The following NDUFA9 variants were observed in gnomAD, a reference collection of about 807,000 sequenced individuals.
NDUFA9 encodes NADH:ubiquinone oxidoreductase subunit A9, also known as NADH dehydrogenase [ubiquinone] 1 alpha subcomplex subunit 9, mitochondrial.
Under a neutral mutation model 45.9 loss-of-function variants are expected in NDUFA9, and 23 were observed. The observed-to-expected ratio is 0.50, with a 90% CI of 0.36 to 0.71. The LOEUF (loss-of-function observed/expected upper bound fraction) is 0.71. NDUFA9 is among the 30% of genes least tolerant of loss of function. NDUFA9 has a pLI of 0.00. For synonymous variants in NDUFA9, 176 were observed against 170.5 expected, an observed-to-expected ratio of 1.03 and a Z score of -0.25; for missense variants, 466 against 488.2, an observed-to-expected ratio of 0.95 and a Z score of 0.43.
rs985205148 is a variant in NDUFA9 at position 4,674,856 on chromosome 12, A to G, written c.800+5039A>G. Among the ~76,000 whole-genome samples the G allele has an allele frequency of 3.3e-5, 5 of 152,354 alleles. 1 individual carries two copies. The South Asian group carries it at 8.3e-4, about 25-fold the overall frequency. Reference sequence around the variant, plus strand: ...CTACAGAACTCTCCACCCCAAATCAACAGAATATAATTTCTTCTCAGCACC... The same window carrying G: ...CTACAGAACTCTCCACCCCAAATCAGCAGAATATAATTTCTTCTCAGCACC... On this transcript the variant is annotated intron_variant, in intron 8 of 10. Coordinates refer to ENST00000266544, the MANE Select transcript of NDUFA9 (RefSeq NM_005002.5).
intron 5 of NDUFA9, among the ~76,000 whole-genome samples, chr12:4,661,235 A>T (rs1296455312): frequency 6.6e-6 from 1 of 152,126 alleles, no homozygotes; most frequent in Non-Finnish European, 1.5e-5. Flanking sequence ...TGAGAACTTG[A>T]GGTGGTTTTT....
intron 4 of NDUFA9, among the ~76,000 whole-genome samples, chr12:4,658,145 C>T (rs189804664): frequency 6.6e-6 from 1 of 152,222 alleles, no homozygotes; most frequent in Non-Finnish European, 1.5e-5. Flanking sequence ...AGGATTTTGC[C>T]TGTTCTGCTG....
chr12:4,649,283 C>T, intron 1 of NDUFA9, 108 bp downstream of exon 1: 1 of 1,286,408 alleles, frequency 7.8e-7, no homozygotes, highest in South Asian at 1.3e-5. Context: ...CCTAGGCACA[C>T]TCTGGTTTCT....
intron 8 of NDUFA9, among the ~76,000 whole-genome samples, chr12:4,670,876 A>G (rs1268295015): frequency 6.6e-6 from 1 of 152,262 alleles, no homozygotes; most frequent in Non-Finnish European, 1.5e-5. Flanking sequence ...ATTTCAGGGA[A>G]TAAATGAGCG....
rs1397862218 is a variant in NDUFA9 at position 4,694,231 on chromosome 12, TTTCAG to T, written c.*7125_*7129del. 2 of 152,244 alleles carry T rather than the reference TTTCAG, an allele frequency of 1.3e-5. No individual in the cohort carries two copies. Among genetic ancestry groups the T allele is most frequent in the Admixed American group, 1.3e-4 (2 of 15,284 alleles). 9.4% of individuals were successfully genotyped at this position (152,244 alleles called of 1,614,324 possible). On this transcript the variant is annotated 3_prime_UTR_variant, in exon 11 of 11. Transcript: ENST00000266544. ...AGTTTTGCTTCTATTAGCACATTTA[TTTCAG>T]TAATTTTGATCTTTGGATTCTCCTT...
In NDUFA9 at chr12:4,683,096, C is replaced by G. The variant is rs143052547; in HGVS notation, c.896+796C>G. 4.3e-3 allele frequency among the ~76,000 whole-genome samples: 646 copies of G among 151,040 alleles called. 7 individuals are homozygous for G. Among genetic ancestry groups the G allele is most frequent in the African/African-American group, 0.015 (601 of 41,108 alleles). The stretch of plus-strand genomic sequence containing the variant: ...TGGTGCACACCTATAGTCCCAGCTA[C>G]TTGGGAGGCTGAGGTGGGAGGATCA... On this transcript the variant is annotated intron_variant, in intron 9 of 10. Transcript: ENST00000266544.
Position 4,691,375 on chromosome 12 carries a change from C to T in NDUFA9, c.*4267C>T, listed in dbSNP as rs138672136. On this transcript the variant is annotated 3_prime_UTR_variant, in exon 11 of 11. Transcript: ENST00000266544. ...CTGAGAAGGAGGGATTCCTATTTCC[C>T]AAATGCTGGAAACAGGGACTTATAG... 1 of 152,326 alleles carries T rather than the reference C, an allele frequency of 6.6e-6. No individual in the cohort carries two copies. Among genetic ancestry groups the T allele is most frequent in the East Asian group, 1.9e-4 (1 of 5,188 alleles). 9.4% of individuals were successfully genotyped at this position (152,326 alleles called of 1,614,324 possible). A position where few individuals can be genotyped will look rare whatever the true frequency, so the allele number is the denominator to read the frequency against.
intron 9 of NDUFA9, 109 bp downstream of exon 9, chr12:4,682,409 T>A: frequency 1.6e-6 from 1 of 615,330 alleles, no homozygotes; most frequent in Non-Finnish European, 2.8e-6. Flanking sequence ...GGTCTCCAGA[T>A]CTCCTAGTGT....
chr12:4,659,512 G>A lies in NDUFA9; in HGVS notation c.552+335G>A, dbSNP rs567207974. On this transcript the variant is annotated intron_variant, in intron 5 of 10. Coordinates refer to ENST00000266544, the MANE Select transcript of NDUFA9 (RefSeq NM_005002.5). ...GAATCATACCTGTGTCATCTACCAT[G>A]GTTAAAGGACCATCTTTCTTTCTCA... Among the ~76,000 whole-genome samples, 349 of 152,258 alleles carry A rather than the reference G, an allele frequency of 2.3e-3. 3 individuals carry two copies. The highest frequency in any genetic ancestry group is 3.8e-3 in the Non-Finnish European group (258 of 68,010).
chr12:4,672,356 G>T (rs1351607056), intron 8 of NDUFA9, among the ~76,000 whole-genome samples: 1 of 152,150 alleles, frequency 6.6e-6, no homozygotes. Flanking sequence ...CCATATCCCA[G>T]TGGCACCTGG....
intron 8 of NDUFA9, among the ~76,000 whole-genome samples, chr12:4,671,307 A>G (rs896059418): frequency 1.3e-5 from 2 of 152,234 alleles, no homozygotes; most frequent in Non-Finnish European, 2.9e-5. Flanking sequence ...CAGCAAAATC[A>G]CGATGTATAA....
At chr12:4,685,923 A>G (rs1565573479) in intron 10 of NDUFA9, among the ~76,000 whole-genome samples, 1 of 152,224 alleles carries the variant, frequency 6.6e-6, no homozygotes, top group African/African-American at 2.4e-5. Flanking sequence ...AGACCTATGG[A>G]CCATATATTG....
Position 4,662,529 on chromosome 12 carries a change from T to C in NDUFA9, c.553-4T>C, listed in dbSNP as rs756343672. 1 of 1,612,574 alleles carries C rather than the reference T, an allele frequency of 6.2e-7. No individual in the cohort carries two copies. Among genetic ancestry groups the C allele is most frequent in the East Asian group, 2.2e-5 (1 of 44,854 alleles). ...CAAAACAGGTTTGTTTGGTTATTGT[T>C]TAGGCTGTTGGAGAGAAAGTAGTGA... On this transcript the variant is annotated splice_region_variant and splice_polypyrimidine_tract_variant and intron_variant, in intron 5 of 10. Coordinates refer to ENST00000266544, the MANE Select transcript of NDUFA9 (RefSeq NM_005002.5).
rs1392673936 is a variant in NDUFA9, at chr12:4,694,030, T to C, written c.*6922T>C. On this transcript the variant is annotated 3_prime_UTR_variant, in exon 11 of 11. Coordinates refer to ENST00000266544, the MANE Select transcript of NDUFA9 (RefSeq NM_005002.5). ...TGTACTTCAGTGGAAAACTATGCAT[T>C]GTCTGGAATCTAGACTCTGGACAAA... The C allele has an allele frequency of 2.6e-5, 4 of 152,174 alleles. No individual in the cohort carries two copies. Among genetic ancestry groups the C allele is most frequent in the East Asian group, 3.8e-4 (2 of 5,200 alleles). The allele number at this position is 152,174 out of a possible 1,614,324, so 9.4% of individuals were successfully genotyped here. A position where few individuals can be genotyped will look rare whatever the true frequency, so the allele number is the denominator to read the frequency against.
At chr12:4,684,041 G>A (rs561454043) in intron 9 of NDUFA9, among the ~76,000 whole-genome samples, 1 of 152,308 alleles carries the variant, frequency 6.6e-6, no homozygotes, top group Admixed American at 6.5e-5. Flanking sequence ...GTTAGAGTTG[G>A]CTTATGTATG....
intron 8 of NDUFA9, among the ~76,000 whole-genome samples, chr12:4,672,642 A>C: frequency 6.6e-6 from 1 of 152,240 alleles, no homozygotes; most frequent in East Asian, 1.9e-4. Context: ...AGCCCACTGC[A>C]GCTCAGGAAG....
Position 4,682,286 on chromosome 12 carries a change from G to T in NDUFA9, c.882G>T (p.Pro294=), listed in dbSNP as rs201787513. The change falls in exon 9 of 11, where the codon CCG becomes CCT. Residue 294 remains proline, a synonymous_variant. Coordinates refer to ENST00000266544, the MANE Select transcript of NDUFA9 (RefSeq NM_005002.5). ...GATTGTTCCTCCCATTCCCCTTGCC[G>T]CTTTTTGCCTATCGGTAAGTAGAGT... ...AHRLFLPFPL[P]LFAYRWVARV... is the part of the protein sequence containing the mutation. 6.2e-7 allele frequency: 1 copy of T among 1,611,488 alleles called. No homozygotes were observed. Among genetic ancestry groups the T allele is most frequent in the South Asian group, 1.1e-5 (1 of 90,874 alleles).
In NDUFA9 at chr12:4,693,925, T is replaced by C. The variant is rs1314472197; in HGVS notation, c.*6817T>C. On this transcript the variant is annotated 3_prime_UTR_variant, in exon 11 of 11. Coordinates refer to ENST00000266544, the MANE Select transcript of NDUFA9 (RefSeq NM_005002.5). ...GAAGTGACAGCTTTATAGCATCTGA[T>C]TGGGGAAAAACACATCTTTTCTGGG... 1 of 152,164 alleles carries C rather than the reference T, an allele frequency of 6.6e-6. No individual in the cohort carries two copies. Among genetic ancestry groups the C allele is most frequent in the Non-Finnish European group, 1.5e-5 (1 of 68,032 alleles). The allele number at this position is 152,164 out of a possible 1,614,324, so 9.4% of individuals were successfully genotyped here. A position where few individuals can be genotyped will look rare whatever the true frequency, so the allele number is the denominator to read the frequency against.
At chr12:4,662,710 T>C in intron 6 of NDUFA9, 75 bp downstream of exon 6, 1 of 1,171,734 alleles carries the variant, frequency 8.5e-7, no homozygotes. Context: ...CTAACAGTTT[T>C]CTCTGATTGA....
Sources: gnomAD v4.1 joint callset for allele counts (sites outside exome capture counted in the v4.1 genomes callset) on GRCh38, gnomAD v4.1.1 for gene constraint, MANE v1.5 for transcripts, NCBI Gene and HGNC (gene_info 2026-07-23, HGNC 2026-07-21) for gene names.